Variants in GABRB1 observed in about 807,000 individuals in gnomAD.
GABRB1 encodes gamma-aminobutyric acid type A receptor subunit beta1.
GABRB1 carries 17 observed loss-of-function variants against 51.6 expected under a neutral mutation model. That is an observed-to-expected ratio of 0.33 (90% CI 0.23 to 0.49). The LOEUF (loss-of-function observed/expected upper bound fraction) is 0.49. Among genes scored for constraint, GABRB1 ranks in the 20% least tolerant of loss-of-function variants. The pLI, the probability that GABRB1 is intolerant of heterozygous loss-of-function variation, is 0.99. For synonymous variants in GABRB1, 247 were observed against 218.9 expected (o/e 1.13, Z -1.14); for missense variants, 410 against 600.6 (o/e 0.68, Z 3.32).
At chr4:47,393,111 C>A (rs1728060140) in intron 5 of GABRB1, among the ~76,000 whole-genome samples, 1 of 152,166 alleles carries the variant, frequency 6.6e-6, no homozygotes, top group African/African-American at 2.4e-5. Context: ...ACCAAGAATT[C>A]TGGTTTTAGC....
intron 1 of GABRB1, among the ~76,000 whole-genome samples, chr4:47,015,065 C>G (rs542422979): frequency 6.6e-6 from 1 of 152,176 alleles, no homozygotes; most frequent in Non-Finnish European, 1.5e-5. Flanking sequence ...CGCCACCACA[C>G]CCGGCTAATT....
At chr4:47,323,109 G>T (rs1357632974) in intron 5 of GABRB1, among the ~76,000 whole-genome samples, 1 of 152,134 alleles carries the variant, frequency 6.6e-6, no homozygotes, top group African/African-American at 2.4e-5. Context: ...CCCTGATAAA[G>T]TTCAGTATAG....
At chr4:47,202,339 C>T (rs959241902) in intron 4 of GABRB1, among the ~76,000 whole-genome samples, 9 of 152,156 alleles carry the variant, frequency 5.9e-5, no homozygotes, top group Admixed American at 1.3e-4. Flanking sequence ...CCCAGCCATG[C>T]TGATCTGTTT....
chr4:47,051,998 A>T (rs1255770414), intron 3 of GABRB1, among the ~76,000 whole-genome samples: 3 of 152,114 alleles, frequency 2.0e-5, no homozygotes, highest in Non-Finnish European at 4.4e-5. Flanking sequence ...GTGTGGTGTC[A>T]CACACCTGTA....
chr4:47,402,688 C>T (rs1243941824), intron 5 of GABRB1, among the ~76,000 whole-genome samples: 1 of 152,172 alleles, frequency 6.6e-6, no homozygotes, highest in African/African-American at 2.4e-5. Flanking sequence ...CTAAAGTTCA[C>T]TCTCATAAGT....
At chr4:47,238,087 G>T (rs1721394163) in intron 4 of GABRB1, among the ~76,000 whole-genome samples, 1 of 151,940 alleles carries the variant, frequency 6.6e-6, no homozygotes, top group Non-Finnish European at 1.5e-5. Context: ...AAATGATGCA[G>T]AAGAGAAGGA....
In GABRB1 at chr4:47,235,300, C is replaced by T. The variant is rs1721287910; in HGVS notation, c.461+73831C>T. On this transcript the variant is annotated intron_variant, in intron 4 of 8. Transcript: ENST00000295454. ...GGCGCGGTGGATCACGCCTATAATCCCAGCACTTTGGGAGACTAAGGCGGG... is the reference window on the plus strand; with the variant it reads ...GGCGCGGTGGATCACGCCTATAATCTCAGCACTTTGGGAGACTAAGGCGGG... 3.3e-5 allele frequency among the ~76,000 whole-genome samples: 5 copies of T among 152,192 alleles called. No individual in the cohort carries two copies. In the South Asian group the frequency reaches 1.0e-3, roughly 32 times the overall value.
intron 4 of GABRB1, among the ~76,000 whole-genome samples, chr4:47,203,416 C>T (rs1408179193): frequency 1.3e-5 from 2 of 151,818 alleles, no homozygotes; most frequent in Non-Finnish European, 2.9e-5. Flanking sequence ...CCATTATTTC[C>T]CTTATGTCAG....
intron 4 of GABRB1, among the ~76,000 whole-genome samples, chr4:47,277,905 C>T (rs533251476): frequency 1.3e-5 from 2 of 151,706 alleles, no homozygotes; most frequent in African/African-American, 2.4e-5. Context: ...CAATTGTTTT[C>T]CTTTGTAATC....
chr4:47,246,334 GTACATA>G (rs1560295682), intron 4 of GABRB1, among the ~76,000 whole-genome samples: 2 of 7,652 alleles, frequency 2.6e-4, no homozygotes, highest in Non-Finnish European at 5.2e-4. Flanking sequence ...ACACACATAT[GTACATA>G]TATATATATA....
intron 3 of GABRB1, among the ~76,000 whole-genome samples, chr4:47,133,498 C>A (rs1716511759): frequency 1.3e-5 from 2 of 152,134 alleles, no homozygotes; most frequent in Admixed American, 1.3e-4. Context: ...AAGTTCCAGT[C>A]AGCTTATTTA....
intron 8 of GABRB1, among the ~76,000 whole-genome samples, chr4:47,419,156 T>C (rs1259712216): frequency 1.3e-5 from 2 of 152,194 alleles, no homozygotes; most frequent in African/African-American, 4.8e-5. Flanking sequence ...TCTGTTTTGC[T>C]CACCACCATC....
chr4:47,279,836 A>G (rs1399385735), intron 4 of GABRB1, among the ~76,000 whole-genome samples: 1 of 150,634 alleles, frequency 6.6e-6, no homozygotes, highest in Non-Finnish European at 1.5e-5. Context: ...AATGCTGAAT[A>G]TAGTTTGGTC....
chr4:47,354,558 T>A (rs6447551), intron 5 of GABRB1, among the ~76,000 whole-genome samples: 61,961 of 151,686 alleles, frequency 0.41, 13,158 homozygotes, highest in Middle Eastern at 0.47. Flanking sequence ...TTATGTTAGG[T>A]TCTCTTTTCC....
chr4:47,322,734 G>A (rs186011256), intron 5 of GABRB1, among the ~76,000 whole-genome samples: 8 of 152,232 alleles, frequency 5.3e-5, no homozygotes, highest in African/African-American at 1.9e-4. Flanking sequence ...ACTTTGGAAG[G>A]CCAAGAAGGG....
At chr4:47,313,686 T>C (rs1724785423) in intron 4 of GABRB1, among the ~76,000 whole-genome samples, 1 of 152,090 alleles carries the variant, frequency 6.6e-6, no homozygotes, top group African/African-American at 2.4e-5. Flanking sequence ...CATTACAGAA[T>C]CTAGAAATGC....
intron 5 of GABRB1, among the ~76,000 whole-genome samples, chr4:47,355,355 C>G (rs1726527420): frequency 6.6e-6 from 1 of 151,998 alleles, no homozygotes; most frequent in African/African-American, 2.4e-5. Context: ...GGTACATGTG[C>G]ACAATGTGCA....
chr4:47,102,797 T>A (rs1355514887), intron 3 of GABRB1, among the ~76,000 whole-genome samples: 1 of 152,012 alleles, frequency 6.6e-6, no homozygotes, highest in African/African-American at 2.4e-5. Context: ...GTACTTGAGC[T>A]ACATTCATAA....
chr4:47,283,799 G>T (rs780912229), intron 4 of GABRB1, among the ~76,000 whole-genome samples: 1 of 152,054 alleles, frequency 6.6e-6, no homozygotes, highest in Non-Finnish European at 1.5e-5. Context: ...GTAGAATTGG[G>T]TTCAGAACCT....
Sources: allele counts gnomAD v4.1 joint callset (sites outside exome capture counted in the v4.1 genomes callset), GRCh38; gene constraint gnomAD v4.1.1; transcripts MANE v1.5; gene names NCBI Gene and HGNC (gene_info 2026-07-23, HGNC 2026-07-21).